IREB2: variants seen among roughly 807,000 people sequenced by gnomAD.
The protein encoded by IREB2 is iron-responsive element-binding protein 2.
Under a neutral mutation model 118.8 loss-of-function variants are expected in IREB2, and 39 were observed. The observed-to-expected ratio is 0.33, with a 90% CI of 0.25 to 0.43. The LOEUF (loss-of-function observed/expected upper bound fraction) is 0.43. Ranked by LOEUF, IREB2 falls within the 20% of genes least tolerant of loss-of-function variation. The pLI, the probability that IREB2 is intolerant of heterozygous loss-of-function variation, is 1.00. For missense variants in IREB2, 900 were observed against 1,147.3 expected (o/e 0.78, Z 3.11); for synonymous variants, 372 against 392.2 (o/e 0.95, Z 0.61).
At chr15:78,458,571 AG>A (rs2051143467) in intron 2 of IREB2, among the ~76,000 whole-genome samples, 1 of 152,060 alleles carries the variant, frequency 6.6e-6, no homozygotes, top group South Asian at 2.1e-4. Context: ...CACCGTTCCC[AG>A]CTGGTCATCA....
At chr15:78,456,410 C>G (rs2051106114) in intron 2 of IREB2, among the ~76,000 whole-genome samples, 1 of 152,062 alleles carries the variant, frequency 6.6e-6, no homozygotes, top group African/African-American at 2.4e-5. Flanking sequence ...TGCCTGTAAT[C>G]CCAGTACTTT....
Position 78,487,777 on chromosome 15 carries a change from C to T in IREB2, c.1754C>T (p.Thr585Ile), listed in dbSNP as rs767931789. ...GGATGTTCAATTTGTGTGGGAAATA[C>T]AGCACCCTTATCAGACGCAGTTTTA... ...GYGCSICVGN[T>I]APLSDAVLNA... The change falls in exon 14 of 22, where the codon ACA (threonine) becomes ATA (isoleucine). Residue 585 changes from threonine to isoleucine, a missense_variant. By Grantham distance (89) the Thr-to-Ile change is moderately conservative. Transcript: ENST00000258886. 5.0e-6 allele frequency: 8 copies of T among 1,609,014 alleles called. No homozygotes were observed. The highest frequency in any genetic ancestry group is 6.0e-6 in the Non-Finnish European group (7 of 1,175,770).
chr15:78,490,727 A>C lies in IREB2; in HGVS notation c.2290A>C (p.Asn764His). The stretch of plus-strand genomic sequence containing the variant: ...ATCACCTGCAGGAAGTATCGCTAGG[A>C]ATAGTGCTGCCGCTAAGTATTTGAC... The part of the protein sequence containing the change: ...HISPAGSIAR[N>H]SAAAKYLTNR... Residue 764 changes from asparagine to histidine, a missense_variant, in exon 18 of 22, where the codon AAT becomes CAT. By Grantham distance (68) the Asn-to-His change is moderately conservative (BLOSUM62 1). Transcript: ENST00000258886. 2 of 1,614,108 alleles carry C rather than the reference A, an allele frequency of 1.2e-6. No homozygotes were observed. Among genetic ancestry groups the C allele is most frequent in the Non-Finnish European group, 1.7e-6 (2 of 1,179,990 alleles).
intron 2 of IREB2, among the ~76,000 whole-genome samples, chr15:78,441,910 T>C (rs1466946177): frequency 6.6e-6 from 1 of 152,142 alleles, no homozygotes; most frequent in Non-Finnish European, 1.5e-5. Context: ...TTTATTTTAT[T>C]TTACTTATTT....
intron 13 of IREB2, among the ~76,000 whole-genome samples, 171 bp downstream of exon 13, chr15:78,486,011 T>TA (rs1353919753): frequency 6.6e-6 from 1 of 152,170 alleles, no homozygotes; most frequent in Non-Finnish European, 1.5e-5. Flanking sequence ...AGGAAACACT[T>TA]ATTGGGCATA....
chr15:78,483,426 A>C lies in IREB2; in HGVS notation c.1405A>C (p.Asn469His). Residue 469 changes from asparagine to histidine, a missense_variant, in exon 11 of 22, where the codon AAT (asparagine) becomes CAT (histidine). Coordinates refer to ENST00000258886, the MANE Select transcript of IREB2 (RefSeq NM_004136.4). ...DMKSDFQACL[N>H]EKVGFKGFQI... ...GAAAAGCGATTTCCAGGCTTGCTTA[A>C]ATGAAAAGGTAGGTTACTTTATTCT... The C allele has an allele frequency of 6.4e-7, 1 of 1,558,586 alleles. No individual in the cohort carries two copies. The highest frequency in any genetic ancestry group is 8.9e-7 in the Non-Finnish European group (1 of 1,129,468).
At chr15:78,458,369 G>A (rs1358826818) in intron 2 of IREB2, among the ~76,000 whole-genome samples, 5 of 152,076 alleles carry the variant, frequency 3.3e-5, no homozygotes, top group African/African-American at 1.2e-4. Context: ...TGATAGTGTG[G>A]GAGGCTACGT....
intron 2 of IREB2, among the ~76,000 whole-genome samples, chr15:78,449,606 ACT>A (rs1196079461): frequency 6.6e-6 from 1 of 152,156 alleles, no homozygotes; most frequent in African/African-American, 2.4e-5. Context: ...AAATGTTAAA[ACT>A]CTGCAGAACA....
At chr15:78,467,841 C>T (rs2051310599) in intron 5 of IREB2, among the ~76,000 whole-genome samples, 1 of 152,162 alleles carries the variant, frequency 6.6e-6, no homozygotes, top group South Asian at 2.1e-4. Context: ...TCTGCCTTGA[C>T]CTTCAAAAGT....
intron 2 of IREB2, among the ~76,000 whole-genome samples, chr15:78,447,900 G>C (rs573326261): frequency 1.3e-5 from 2 of 152,310 alleles, no homozygotes; most frequent in East Asian, 3.9e-4. Context: ...TGTGCCACTG[G>C]CCAGACTGTA....
At chr15:78,439,944 A>G (rs542135263) in intron 2 of IREB2, 63 bp downstream of exon 2, 2 of 991,116 alleles carry the variant, frequency 2.0e-6, no homozygotes, top group Admixed American at 2.0e-5. Flanking sequence ...GCATTTGTCA[A>G]GCTGAGCTGA....
At chr15:78,452,758 A>G (rs1195045093) in intron 2 of IREB2, among the ~76,000 whole-genome samples, 17 of 152,182 alleles carry the variant, frequency 1.1e-4, no homozygotes. Flanking sequence ...AAAAAAATGA[A>G]AAAGAACTAT....
At chr15:78,451,904 C>A (rs1312431981) in intron 2 of IREB2, among the ~76,000 whole-genome samples, 1 of 152,090 alleles carries the variant, frequency 6.6e-6, no homozygotes, top group Non-Finnish European at 1.5e-5. Flanking sequence ...CTTAGGTGAT[C>A]CACTCGCCTC....
rs767867402 is a variant in IREB2, at chr15:78,476,388, A to G, written c.1195+29A>G. On this transcript the variant is annotated intron_variant, in intron 9 of 21. Transcript: ENST00000258886. ...AGAAGATAAAAGATCACTAGAATAA[A>G]CATGTTACATTTCCAATGTGTTTGA... is the stretch of plus-strand genomic sequence containing the variant. 6.3e-6 allele frequency: 9 copies of G among 1,428,842 alleles called. No homozygotes were observed. In the South Asian group the frequency reaches 1.2e-4, roughly 19 times the overall value. The allele number at this position is 1,428,842 out of a possible 1,614,324, so 88.5% of individuals were successfully genotyped here.
In IREB2 at chr15:78,438,266, G is replaced by A; in HGVS notation, c.-72G>A. 1.6e-6 allele frequency: 2 copies of A among 1,220,262 alleles called. No individual in the cohort carries two copies. The highest frequency in any genetic ancestry group is 2.4e-6 in the Non-Finnish European group (2 of 843,226). The allele number at this position is 1,220,262 out of a possible 1,614,324, so 75.6% of individuals were successfully genotyped here. On this transcript the variant is annotated 5_prime_UTR_variant, in exon 1 of 22. Coordinates refer to ENST00000258886, the MANE Select transcript of IREB2 (RefSeq NM_004136.4). ...TGCCAGTCCGCCTGTCTTCCTCCCC[G>A]TCTTCCCTGCCCGGCCTCCCCCTTC...
chr15:78,440,672 T>A (rs1020190787), intron 2 of IREB2, among the ~76,000 whole-genome samples: 1 of 152,250 alleles, frequency 6.6e-6, no homozygotes, highest in Non-Finnish European at 1.5e-5. Context: ...TGGCCTGTTT[T>A]ACTTTGTCAA....
At chr15:78,463,508 T>A (rs537088743) in intron 3 of IREB2, among the ~76,000 whole-genome samples, 1 of 152,302 alleles carries the variant, frequency 6.6e-6, no homozygotes, top group African/African-American at 2.4e-5. Flanking sequence ...TTGTTTTGTT[T>A]TGTTTTTGTT....
At chr15:78,451,001 G>C (rs548435407) in intron 2 of IREB2, among the ~76,000 whole-genome samples, 87 of 152,140 alleles carry the variant, frequency 5.7e-4, no homozygotes, top group African/African-American at 2.0e-3. Flanking sequence ...ATCTTGCTCT[G>C]TTGCCCAGGC....
intron 2 of IREB2, among the ~76,000 whole-genome samples, chr15:78,445,671 A>G (rs970401652): frequency 5.3e-5 from 8 of 152,116 alleles, no homozygotes; most frequent in African/African-American, 1.9e-4. Flanking sequence ...TACTTCACTT[A>G]CTCATTTTTG....
Sources: gnomAD v4.1 joint callset for allele counts (sites outside exome capture counted in the v4.1 genomes callset) on GRCh38, gnomAD v4.1.1 for gene constraint, MANE v1.5 for transcripts, NCBI Gene and HGNC (gene_info 2026-07-23, HGNC 2026-07-21) for gene names.